Variants in CNBD1 observed in about 807,000 individuals in gnomAD.
The protein encoded by CNBD1 is cyclic nucleotide-binding domain-containing protein 1.
A neutral mutation model predicts 54.4 loss-of-function variants in CNBD1; 71 were observed. That is an observed-to-expected ratio of 1.30 (90% CI 1.08 to 1.59). The LOEUF (loss-of-function observed/expected upper bound fraction) is 1.59, where lower values mean the gene tolerates loss of function less well. Among genes scored for constraint, CNBD1 ranks in the 40% most tolerant of loss-of-function variants. The pLI is 0.00. For missense variants in CNBD1, 659 were observed against 518.0 expected (o/e 1.27, Z -2.64); for synonymous variants, 182 against 170.7 (o/e 1.07, Z -0.51).
chr8:87,117,354 G>A (rs10093686), intron 4 of CNBD1, among the ~76,000 whole-genome samples: 10,428 of 147,898 alleles, frequency 0.071, 558 homozygotes, highest in Non-Finnish European at 0.11. Flanking sequence ...AGCCGAGACC[G>A]TGCCACTGCA....
At chr8:87,012,524 A>G (rs1056051539) in intron 4 of CNBD1, among the ~76,000 whole-genome samples, 34 of 152,186 alleles carry the variant, frequency 2.2e-4, no homozygotes, top group African/African-American at 8.0e-4. Context: ...TCCACATTCT[A>G]TAGAGAAACC....
At chr8:87,179,043 T>C (rs975661388) in intron 4 of CNBD1, among the ~76,000 whole-genome samples, 4 of 152,090 alleles carry the variant, frequency 2.6e-5, no homozygotes, top group African/African-American at 9.7e-5. Flanking sequence ...AAGTAGCAGC[T>C]GAGACTACAG....
intron 8 of CNBD1, among the ~76,000 whole-genome samples, chr8:87,304,756 A>G (rs565659978): frequency 6.6e-6 from 1 of 152,154 alleles, no homozygotes. Flanking sequence ...AACAAGGGAC[A>G]TATCTTAATG....
At position 86,953,589 on chromosome 8, in the gene CNBD1, G is replaced by A. The variant is rs116192928; in HGVS notation, c.431+13835G>A. ...TTACTCCAACAATCCTATGCAGGCC[G>A]AGCACGGTGGCTCATGCCTGTAATC... is the stretch of plus-strand genomic sequence containing the variant. On this transcript the variant is annotated intron_variant, in intron 4 of 10. Transcript: ENST00000518476. Among the ~76,000 whole-genome samples, 718 of 152,232 alleles carry A rather than the reference G, an allele frequency of 4.7e-3. 4 individuals are homozygous for A. The highest frequency in any genetic ancestry group is 0.017 in the African/African-American group (690 of 41,532).
rs919325403 is a variant in CNBD1 at position 86,912,785 on chromosome 8, A to G, written c.272+7591A>G. ...TTCCAGAAGAAGGCATTGTTATCAT[A>G]GGAAATGACAGCTCTGTGTGTGTTA... is the stretch of plus-strand genomic sequence containing the variant. On this transcript the variant is annotated intron_variant, in intron 3 of 10. Transcript: ENST00000518476. 1.4e-4 allele frequency among the ~76,000 whole-genome samples: 21 copies of G among 152,286 alleles called. No homozygotes were observed. In the East Asian group the frequency reaches 3.9e-3, roughly 28 times the overall value.
intron 6 of CNBD1, among the ~76,000 whole-genome samples, chr8:87,276,764 G>T (rs1265182447): frequency 6.6e-6 from 1 of 151,742 alleles, no homozygotes; most frequent in Non-Finnish European, 1.5e-5. Flanking sequence ...ACATTATTTC[G>T]AGCCAGACAT....
At chr8:87,376,066 T>C (rs1420556611) in intron 10 of CNBD1, among the ~76,000 whole-genome samples, 1 of 151,924 alleles carries the variant, frequency 6.6e-6, no homozygotes, top group East Asian at 1.9e-4. Flanking sequence ...GAGATGAACT[T>C]TTTAGTTCAA....
intron 1 of CNBD1, among the ~76,000 whole-genome samples, chr8:86,883,927 G>A (rs952194940): frequency 5.3e-5 from 8 of 152,006 alleles, no homozygotes; most frequent in African/African-American, 1.4e-4. Context: ...CGAGGTGGGC[G>A]GATCACGAGG....
chr8:87,401,830 C>A (rs998138582), intron 2 of CNBD1, among the ~76,000 whole-genome samples: 4 of 151,888 alleles, frequency 2.6e-5, no homozygotes, highest in African/African-American at 4.8e-5. Flanking sequence ...TAAGGAACAC[C>A]AATATCATTT....
At chr8:87,178,306 A>G (rs1235179432) in intron 4 of CNBD1, among the ~76,000 whole-genome samples, 1 of 152,232 alleles carries the variant, frequency 6.6e-6, no homozygotes, top group Non-Finnish European at 1.5e-5. Flanking sequence ...AGTTGTATTT[A>G]GAAATACTCT....
chr8:87,219,163 A>G lies in CNBD1; in HGVS notation c.577+13025A>G, dbSNP rs150234471. 1.2e-3 allele frequency among the ~76,000 whole-genome samples: 189 copies of G among 152,172 alleles called. 1 individual carries two copies. The highest frequency in any genetic ancestry group is 4.3e-3 in the African/African-American group (177 of 41,570). ...GGCTTAGACATACGTGTGTCATTTG[A>G]TAACTGTCTTAAATATCTAAATATA... On this transcript the variant is annotated intron_variant, in intron 5 of 10. Coordinates refer to ENST00000518476, the MANE Select transcript of CNBD1 (RefSeq NM_173538.3).
At chr8:87,401,744 A>C (rs544375637) in intron 2 of CNBD1, among the ~76,000 whole-genome samples, 1 of 152,142 alleles carries the variant, frequency 6.6e-6, no homozygotes, top group African/African-American at 2.4e-5. Context: ...AGAAGCATGG[A>C]TTTTTTAAAA....
chr8:87,382,671 C>A lies in CNBD1; in HGVS notation c.*44C>A, dbSNP rs542420094. 1.5e-4 allele frequency: 206 copies of A among 1,418,672 alleles called. No homozygotes were observed. The South Asian group carries it at 2.2e-3, about 15-fold the overall frequency. The allele number at this position is 1,418,672 out of a possible 1,614,324, so 87.9% of individuals were successfully genotyped here. A position where few individuals can be genotyped will look rare whatever the true frequency, so the allele number is the denominator to read the frequency against. On this transcript the variant is annotated 3_prime_UTR_variant, in exon 11 of 11. Transcript: ENST00000518476. ...TGAACATTAATTAAGAAAGTATTGA[C>A]TAAATAATGGAATAATTGCATTCTG...
At chr8:87,292,645 C>T (rs898124063) in intron 8 of CNBD1, among the ~76,000 whole-genome samples, 1 of 152,150 alleles carries the variant, frequency 6.6e-6, no homozygotes, top group Non-Finnish European at 1.5e-5. Flanking sequence ...CTTCCAAGCA[C>T]TTCTAACCAA....
intron 10 of CNBD1, among the ~76,000 whole-genome samples, chr8:87,377,219 G>A (rs919783063): frequency 4.6e-5 from 7 of 151,146 alleles, no homozygotes; most frequent in African/African-American, 1.7e-4. Context: ...AGTTACATAT[G>A]TATACATGTG....
rs76866899 is a variant in CNBD1 at position 86,888,617 on chromosome 8, G to A, written c.158+1006G>A. ...AATGAGCCTAATATATGTAAATAGC[G>A]TCTGGCACATAGTAAGGGTTCCAGA... On this transcript the variant is annotated intron_variant, in intron 2 of 10. Transcript: ENST00000518476. 9.7e-3 allele frequency among the ~76,000 whole-genome samples: 1,484 copies of A among 152,216 alleles called. 33 individuals carry two copies. The highest frequency in any genetic ancestry group is 0.062 in the East Asian group (323 of 5,178).
intron 5 of CNBD1, among the ~76,000 whole-genome samples, chr8:87,217,298 T>C (rs1814233735): frequency 6.6e-6 from 1 of 152,076 alleles, no homozygotes; most frequent in Admixed American, 6.6e-5. Flanking sequence ...GCTAAAAATC[T>C]TGTGTTTTAT....
At chr8:86,900,844 C>G (rs1431740128) in intron 2 of CNBD1, among the ~76,000 whole-genome samples, 1 of 152,124 alleles carries the variant, frequency 6.6e-6, no homozygotes, top group Non-Finnish European at 1.5e-5. Flanking sequence ...TACATTCAAT[C>G]TTGCAGTTAA....
intron 4 of CNBD1, among the ~76,000 whole-genome samples, chr8:87,060,372 T>A (rs1810516578): frequency 6.6e-6 from 1 of 152,212 alleles, no homozygotes; most frequent in African/African-American, 2.4e-5. Context: ...ACAGCAACTC[T>A]TACTGAAAAT....
Sources: gnomAD v4.1 joint callset for allele counts (sites outside exome capture counted in the v4.1 genomes callset) on GRCh38, gnomAD v4.1.1 for gene constraint, MANE v1.5 for transcripts, NCBI Gene and HGNC (gene_info 2026-07-23, HGNC 2026-07-21) for gene names.